The following CALN1 variants were observed in gnomAD, a reference collection of about 807,000 sequenced individuals.
CALN1 encodes the protein calcium-binding protein 8.
In CALN1, 17 loss-of-function variants were observed where a neutral mutation model predicts 30.6. The ratio of observed to expected loss-of-function variants is 0.56; its 90% confidence interval spans 0.38 to 0.83. CALN1 has a LOEUF of 0.83. Ranked by LOEUF, CALN1 falls within the 40% of genes least tolerant of loss-of-function variation. CALN1 has a pLI of 0.00. For missense variants in CALN1, 291 were observed against 354.9 expected, an observed-to-expected ratio of 0.82 and a Z score of 1.45; for synonymous variants, 156 against 131.4, an observed-to-expected ratio of 1.19 and a Z score of -1.28.
At chr7:71,993,050 T>A (rs1008552501) in intron 5 of CALN1, among the ~76,000 whole-genome samples, 4 of 151,442 alleles carry the variant, frequency 2.6e-5, no homozygotes, top group African/African-American at 9.8e-5. Context: ...GAAAGGCTTT[T>A]TTTTGCTACC....
intron 6 of CALN1, among the ~76,000 whole-genome samples, chr7:71,794,197 G>A (rs1030590112): frequency 6.6e-6 from 1 of 152,090 alleles, no homozygotes; most frequent in Non-Finnish European, 1.5e-5. Context: ...TTGAGCTGAG[G>A]GCTTACTGTT....
intron 5 of CALN1, among the ~76,000 whole-genome samples, chr7:71,884,413 T>C (rs898512678): frequency 3.3e-5 from 5 of 151,924 alleles, no homozygotes; most frequent in East Asian, 3.9e-4. Context: ...TCATCCTATC[T>C]GAATACTGTG....
At chr7:72,367,987 T>C (rs899468752) in intron 2 of CALN1, among the ~76,000 whole-genome samples, 1 of 151,390 alleles carries the variant, frequency 6.6e-6, no homozygotes, top group Non-Finnish European at 1.5e-5. Flanking sequence ...CAAAAAATTA[T>C]CTGGGCATGG....
Position 71,836,205 on chromosome 7 carries a change from A to G in CALN1, c.502-25713T>C, listed in dbSNP as rs182833672. ...TCTCCGCCTACCTGCGGATCCTGGA[A>G]CATCAGGGTCAATGCTTCTTGTGAT... On this transcript the variant is annotated intron_variant, in intron 5 of 6. Coordinates refer to ENST00000395275, the MANE Select transcript of CALN1 (RefSeq NM_031468.4). Among the ~76,000 whole-genome samples the G allele has an allele frequency of 3.9e-5, 6 of 152,340 alleles. No individual in the cohort carries two copies. The East Asian group carries it at 7.7e-4, about 20-fold the overall frequency.
intron 3 of CALN1, among the ~76,000 whole-genome samples, chr7:72,202,790 CAG>C (rs1207635581): frequency 1.3e-5 from 2 of 152,166 alleles, no homozygotes; most frequent in Non-Finnish European, 2.9e-5. Context: ...TTATAGAAGA[CAG>C]TGTGGCGATT....
At chr7:72,463,734 T>G in the CALN1 span, among the ~76,000 whole-genome samples, 1 of 151,346 alleles carries the variant, frequency 6.6e-6, no homozygotes. Context: ...AAATTTTTAA[T>G]TTTTTTTGTA....
At chr7:72,459,749 T>G in the CALN1 span, among the ~76,000 whole-genome samples, 1,648 of 152,228 alleles carry the variant, frequency 0.011, 24 homozygotes, top group African/African-American at 0.037. Flanking sequence ...TTTTCCAATT[T>G]AAAGAAAAGG....
At chr7:71,912,482 C>G (rs1291855230) in intron 5 of CALN1, among the ~76,000 whole-genome samples, 9 of 152,166 alleles carry the variant, frequency 5.9e-5, no homozygotes, top group Admixed American at 4.6e-4. Flanking sequence ...ACCGGCCACA[C>G]ACACAATTCG....
chr7:72,228,570 GGC>G lies in CALN1; in HGVS notation c.244+50114_244+50115del, dbSNP rs960706895. Among the ~76,000 whole-genome samples, 12 of 151,678 alleles carry G rather than the reference GGC, an allele frequency of 7.9e-5. 1 individual carries two copies. The highest frequency in any genetic ancestry group is 5.3e-4 in the Admixed American group (8 of 15,236). ...CAGCATTCATTGGTGCATGGCTGTGGGCAAATTACTCTCTGAGCCTCAGTTTC... is the reference window on the plus strand; with the variant it reads ...CAGCATTCATTGGTGCATGGCTGTGGAAATTACTCTCTGAGCCTCAGTTTC... On this transcript the variant is annotated intron_variant, in intron 3 of 6. Coordinates refer to ENST00000395275, the MANE Select transcript of CALN1 (RefSeq NM_031468.4).
chr7:72,287,700 C>T lies in CALN1; in HGVS notation c.120-8890G>A, dbSNP rs573228314. 2.6e-5 allele frequency among the ~76,000 whole-genome samples: 4 copies of T among 152,228 alleles called. No individual in the cohort carries two copies. In the East Asian group the frequency reaches 5.8e-4, roughly 22 times the overall value. ...TGACCTCGTGATCCACCTGCCTCAG[C>T]CTCCCAAAGTGCTGGGATTACAGGC... is the stretch of plus-strand genomic sequence containing the variant. On this transcript the variant is annotated intron_variant, in intron 2 of 6. Coordinates refer to ENST00000395275, the MANE Select transcript of CALN1 (RefSeq NM_031468.4).
intron 2 of CALN1, among the ~76,000 whole-genome samples, chr7:72,395,549 AG>A (rs1464974144): frequency 6.6e-6 from 1 of 152,252 alleles, no homozygotes; most frequent in African/African-American, 2.4e-5. Flanking sequence ...GCACCTTTAG[AG>A]GAACATTTAT....
chr7:71,837,965 A>C (rs766093498), intron 5 of CALN1, among the ~76,000 whole-genome samples: 3 of 152,032 alleles, frequency 2.0e-5, no homozygotes, highest in Non-Finnish European at 2.9e-5. Context: ...TTATTATTTA[A>C]ATGGGGGCAG....
chr7:72,106,276 C>A lies in CALN1; in HGVS notation c.263G>T (p.Arg88Leu). The change falls in exon 4 of 7, where the codon CGG (arginine) becomes CTG (leucine). Residue 88 changes from arginine to leucine, a missense_variant. Coordinates refer to ENST00000395275, the MANE Select transcript of CALN1 (RefSeq NM_031468.4). ...EELDEIREAF[R>L]VLDRDGNGFI... The stretch of plus-strand genomic sequence containing the variant: ...GCCGTTCCCATCCCGGTCCAGAACC[C>A]GAAAGGCCTCTCGGATTTCTACAAT... 1.9e-6 allele frequency: 3 copies of A among 1,613,992 alleles called. No individual in the cohort carries two copies. Among genetic ancestry groups the A allele is most frequent in the Non-Finnish European group, 2.5e-6 (3 of 1,179,988 alleles).
At chr7:72,083,062 G>A (rs1467550082) in intron 4 of CALN1, among the ~76,000 whole-genome samples, 3 of 152,132 alleles carry the variant, frequency 2.0e-5, no homozygotes, top group African/African-American at 7.2e-5. Flanking sequence ...TTAGCCAGGT[G>A]TGGTGGCGGG....
At chr7:72,440,555 A>G (rs2129564372) in intron 1 of CALN1, among the ~76,000 whole-genome samples, 1 of 152,304 alleles carries the variant, frequency 6.6e-6, no homozygotes, top group Non-Finnish European at 1.5e-5. Context: ...GGCCAGACAC[A>G]GTGGCTCAAG....
At chr7:72,439,583 T>C (rs1439637101) in intron 1 of CALN1, among the ~76,000 whole-genome samples, 2 of 33,518 alleles carry the variant, frequency 6.0e-5, no homozygotes, top group Non-Finnish European at 1.1e-4. Flanking sequence ...TCGTTTATTC[T>C]TTTTTTTTTT....
At chr7:71,889,407 A>G (rs754295391) in intron 5 of CALN1, among the ~76,000 whole-genome samples, 1 of 152,190 alleles carries the variant, frequency 6.6e-6, no homozygotes, top group Non-Finnish European at 1.5e-5. Context: ...GCAAAAAAAA[A>G]TCACTCTATA....
the CALN1 span, among the ~76,000 whole-genome samples, chr7:72,452,235 T>A: frequency 2.0e-5 from 3 of 152,148 alleles, no homozygotes; most frequent in Non-Finnish European, 4.4e-5. Flanking sequence ...AACTCACTCC[T>A]TGTGGGGTCT....
At chr7:72,252,477 G>T (rs998720321) in intron 3 of CALN1, among the ~76,000 whole-genome samples, 1 of 152,060 alleles carries the variant, frequency 6.6e-6, no homozygotes, top group Non-Finnish European at 1.5e-5. Flanking sequence ...GGTGGTGCTT[G>T]CCTGTGGTCC....
Sources: gnomAD v4.1 joint callset for allele counts (sites outside exome capture counted in the v4.1 genomes callset) on GRCh38, gnomAD v4.1.1 for gene constraint, MANE v1.5 for transcripts, NCBI Gene and HGNC (gene_info 2026-07-23, HGNC 2026-07-21) for gene names.